The following MYO18B variants were observed in gnomAD, a reference collection of about 807,000 sequenced individuals.
MYO18B encodes myosin XVIIIB.
Under a neutral mutation model 273.0 loss-of-function variants are expected in MYO18B, and 204 were observed. The ratio of observed to expected loss-of-function variants is 0.75; its 90% CI spans 0.67 to 0.84. The LOEUF (loss-of-function observed/expected upper bound fraction) is 0.84, where lower values mean the gene tolerates loss of function less well. Ranked by LOEUF, MYO18B falls within the 40% of genes least tolerant of loss-of-function variation. The probability of loss-of-function intolerance (pLI) is 0.00; values close to 1 mark genes in which losing one functional copy is unlikely to be tolerated. For missense variants in MYO18B, 3,212 were observed against 3,287.6 expected, an observed-to-expected ratio of 0.98 and a Z score of 0.56; for synonymous variants, 1,330 against 1,305.7, an observed-to-expected ratio of 1.02 and a Z score of -0.40.
chr22:25,836,134 G>A (rs1036211968), intron 17 of MYO18B, among the ~76,000 whole-genome samples: 1 of 152,166 alleles, frequency 6.6e-6, no homozygotes, highest in African/African-American at 2.4e-5. Flanking sequence ...GGGGGAGCAA[G>A]AGGGGAGATG....
intron 39 of MYO18B, among the ~76,000 whole-genome samples, chr22:25,972,355 G>A (rs1359051809): frequency 3.9e-5 from 6 of 152,100 alleles, no homozygotes; most frequent in African/African-American, 1.4e-4. Context: ...GTATTTACTT[G>A]TTATTATTAC....
chr22:25,857,972 ATTATT>A (rs2090623115), intron 21 of MYO18B, among the ~76,000 whole-genome samples: 1 of 152,180 alleles, frequency 6.6e-6, no homozygotes, highest in Non-Finnish European at 1.5e-5. Context: ...TATTGTTTTA[ATTATT>A]TTACATGTTT....
chr22:26,058,421 G>T, the MYO18B span, among the ~76,000 whole-genome samples: 1 of 152,188 alleles, frequency 6.6e-6, no homozygotes, highest in Non-Finnish European at 1.5e-5. Context: ...GAGGGTGGAG[G>T]TGGAAGTGTA....
chr22:25,881,805 G>A (rs2091344593), intron 25 of MYO18B, among the ~76,000 whole-genome samples: 1 of 152,102 alleles, frequency 6.6e-6, no homozygotes, highest in African/African-American at 2.4e-5. Flanking sequence ...AGATGTATGG[G>A]GCCTTGAAAA....
intron 1 of MYO18B, among the ~76,000 whole-genome samples, chr22:25,750,845 C>T (rs1206032287): frequency 1.3e-5 from 2 of 152,110 alleles, no homozygotes; most frequent in African/African-American, 2.4e-5. Flanking sequence ...CCCACAGGCA[C>T]GTGAAGGATG....
chr22:26,046,413 G>A, the MYO18B span, among the ~76,000 whole-genome samples: 4 of 152,310 alleles, frequency 2.6e-5, no homozygotes, highest in East Asian at 1.9e-4. Flanking sequence ...TGACAGATGT[G>A]AAAGCCTCAG....
At position 26,026,674 on chromosome 22, in the gene MYO18B, A is replaced by T; in HGVS notation, c.6700A>T (p.Asn2234Tyr). ...ASSPLASRST[N>Y]TSPLSREKLP... ...CTCTCCCCTGGCTTCTCGGAGTACA[A>T]ATACATCCCCGCTGTCGAGGGAAAA... is the stretch of plus-strand genomic sequence containing the variant. Residue 2234 changes from asparagine to tyrosine, a missense_variant, in exon 43 of 44, where the codon AAT becomes TAT. Asn to Tyr is a moderately radical substitution (Grantham distance 143). Transcript: ENST00000335473. The T allele has an allele frequency of 6.2e-7, 1 of 1,613,856 alleles. No homozygotes were observed. Among genetic ancestry groups the T allele is most frequent in the East Asian group, 2.2e-5 (1 of 44,862 alleles).
At chr22:25,991,637 G>A (rs1310786262) in intron 39 of MYO18B, among the ~76,000 whole-genome samples, 1 of 152,186 alleles carries the variant, frequency 6.6e-6, no homozygotes, top group African/African-American at 2.4e-5. Context: ...GGCGTCAGAG[G>A]CACCGAGCTT....
chr22:25,902,456 C>G (rs966510089), intron 29 of MYO18B, among the ~76,000 whole-genome samples, 157 bp from the exon 30 acceptor site: 1 of 152,222 alleles, frequency 6.6e-6, no homozygotes, highest in Admixed American at 6.5e-5. Context: ...AAACTTCCAA[C>G]TTCTCATACT....
intron 17 of MYO18B, among the ~76,000 whole-genome samples, chr22:25,842,002 T>C (rs527837777): frequency 6.6e-6 from 1 of 152,346 alleles, no homozygotes; most frequent in East Asian, 1.9e-4. Flanking sequence ...CAGGACACTC[T>C]TGAAACAGGG....
In MYO18B at chr22:25,772,458, C is replaced by T. The variant is rs541406777; in HGVS notation, c.1817C>T (p.Pro606Leu). 1 of 1,614,022 alleles carries T rather than the reference C, an allele frequency of 6.2e-7. No homozygotes were observed. The highest frequency in any genetic ancestry group is 8.5e-7 in the Non-Finnish European group (1 of 1,179,896). Reference protein sequence around the residue: ...KAQLLHTCTGPDLIVLQPRGP... With the variant: ...KAQLLHTCTGLDLIVLQPRGP... The stretch of plus-strand genomic sequence containing the variant: ...CAGCTGCTGCACACCTGCACAGGGC[C>T]TGATCTGATTGTCCTCCAGCCCCGG... The change falls in exon 7 of 44, where the codon CCT (proline) becomes CTT (leucine). Residue 606 changes from proline (P) to leucine (L), a missense_variant. By Grantham distance (98) the Pro-to-Leu change is moderately conservative (BLOSUM62 -3). Transcript: ENST00000335473.
At position 25,824,327 on chromosome 22, in the gene MYO18B, A is replaced by G. The variant is rs542737899; in HGVS notation, c.2695+649A>G. 3.3e-5 allele frequency among the ~76,000 whole-genome samples: 5 copies of G among 152,248 alleles called. No individual in the cohort carries two copies. The East Asian group carries it at 7.8e-4, about 24-fold the overall frequency. ...GAGACGGGGCGAGGTGGACAGATTC[A>G]GGGGCTAGTTTACAAGCTGAGGTGA... On this transcript the variant is annotated intron_variant, in intron 13 of 43. Coordinates refer to ENST00000335473, the MANE Select transcript of MYO18B (RefSeq NM_032608.7).
At chr22:25,747,154 A>C (rs1371374118) in intron 1 of MYO18B, among the ~76,000 whole-genome samples, 1 of 152,076 alleles carries the variant, frequency 6.6e-6, no homozygotes, top group Non-Finnish European at 1.5e-5. Flanking sequence ...AAAAAAGAAA[A>C]TTAGCCCTTT....
At chr22:25,765,356 T>G (rs1304435452) in intron 3 of MYO18B, among the ~76,000 whole-genome samples, 1 of 152,244 alleles carries the variant, frequency 6.6e-6, no homozygotes, top group Non-Finnish European at 1.5e-5. Flanking sequence ...CCAGCACAAC[T>G]GTTTCATTTG....
At chr22:25,762,079 G>A (rs966222754) in intron 2 of MYO18B, among the ~76,000 whole-genome samples, 2 of 151,278 alleles carry the variant, frequency 1.3e-5, no homozygotes, top group African/African-American at 4.9e-5. Flanking sequence ...ACTCCAGCCC[G>A]AGCGACAGTG....
rs774717644 is a variant in MYO18B, at chr22:25,955,153, T to C, written c.5971-26T>C. 3.9e-6 allele frequency: 6 copies of C among 1,554,642 alleles called. No homozygotes were observed. In the East Asian group the frequency reaches 6.9e-5, roughly 18 times the overall value. On this transcript the variant is annotated intron_variant, in intron 38 of 43. Transcript: ENST00000335473. ...ATACCCCTGGCCTCCAACTCCAAGG[T>C]GGGCATGTGTCTCTGCCCCTCCCAG...
intron 27 of MYO18B, among the ~76,000 whole-genome samples, chr22:25,893,393 G>A (rs1045311538): frequency 1.3e-5 from 2 of 152,178 alleles, no homozygotes; most frequent in Admixed American, 6.5e-5. Context: ...TGTTGATTAA[G>A]GGTGGCACTC....
rs144098765 is a variant in MYO18B at position 25,967,513 on chromosome 22, G to A, written c.6156+12149G>A. ...CTTTTTACTGTTCTTTTTTGACAGA[G>A]CTTAAACAATAAGAAAGGGAGAGGG... On this transcript the variant is annotated intron_variant, in intron 39 of 43. Transcript: ENST00000335473. 2.9e-3 allele frequency among the ~76,000 whole-genome samples: 445 copies of A among 152,270 alleles called. 4 individuals are homozygous for A. The highest frequency in any genetic ancestry group is 9.2e-3 in the African/African-American group (383 of 41,558).
intron 7 of MYO18B, among the ~76,000 whole-genome samples, 162 bp downstream of exon 7, chr22:25,772,672 C>A (rs1265944100): frequency 6.6e-6 from 1 of 152,214 alleles, no homozygotes; most frequent in Non-Finnish European, 1.5e-5. Context: ...TGGCATGGAC[C>A]ATGAGATTCC....
Sources: allele counts gnomAD v4.1 joint callset (sites outside exome capture counted in the v4.1 genomes callset), GRCh38; gene constraint gnomAD v4.1.1; transcripts MANE v1.5; gene names NCBI Gene and HGNC (gene_info 2026-07-23, HGNC 2026-07-21).